CERS6: variants seen among roughly 807,000 people sequenced by gnomAD.
The protein encoded by CERS6 is LAG1 homolog, ceramide synthase 6.
Under a neutral mutation model 56.8 loss-of-function variants are expected in CERS6, and 26 were observed. The ratio of observed to expected loss-of-function variants is 0.46; its 90% CI spans 0.34 to 0.63. The LOEUF (loss-of-function observed/expected upper bound fraction) is 0.63, where lower values mean the gene tolerates loss of function less well. Ranked by LOEUF, CERS6 falls within the 30% of genes least tolerant of loss-of-function variation. The pLI is 0.01. For synonymous variants in CERS6, 164 were observed against 173.3 expected (o/e 0.95, Z 0.42); for missense variants, 415 against 467.5 (o/e 0.89, Z 1.04).
chr2:168,469,963 G>A (rs1693947168), intron 1 of CERS6, among the ~76,000 whole-genome samples: 1 of 152,112 alleles, frequency 6.6e-6, no homozygotes, highest in African/African-American at 2.4e-5. Flanking sequence ...GCAGAGCCTG[G>A]CTGACCTGGA....
chr2:168,549,014 A>C (rs1352311715), intron 2 of CERS6, among the ~76,000 whole-genome samples: 1 of 152,172 alleles, frequency 6.6e-6, no homozygotes, highest in African/African-American at 2.4e-5. Flanking sequence ...TAGTGTATCA[A>C]ATTACTTAAG....
intron 8 of CERS6, among the ~76,000 whole-genome samples, chr2:168,721,929 C>G: frequency 6.6e-6 from 1 of 152,164 alleles, no homozygotes; most frequent in East Asian, 1.9e-4. Flanking sequence ...CCACCACACT[C>G]TTTTACAGAG....
At chr2:168,769,226 A>G (rs1439933414) in intron 9 of CERS6, among the ~76,000 whole-genome samples, 3 of 152,194 alleles carry the variant, frequency 2.0e-5, no homozygotes, top group Non-Finnish European at 4.4e-5. Flanking sequence ...TTTGATTACA[A>G]GTGGGATTCA....
intron 1 of CERS6, among the ~76,000 whole-genome samples, chr2:168,521,505 A>AG (rs1694982880): frequency 6.6e-6 from 1 of 151,938 alleles, no homozygotes; most frequent in African/African-American, 2.4e-5. Flanking sequence ...GAAGAGGAGG[A>AG]GGGGAGGGAG....
intron 4 of CERS6, among the ~76,000 whole-genome samples, chr2:168,637,511 C>G (rs1436633293): frequency 6.6e-6 from 1 of 151,652 alleles, no homozygotes; most frequent in Non-Finnish European, 1.5e-5. Flanking sequence ...CACAGGAACA[C>G]TAAATATGGA....
chr2:168,611,940 A>G (rs1684198793), intron 3 of CERS6, among the ~76,000 whole-genome samples: 1 of 152,208 alleles, frequency 6.6e-6, no homozygotes, highest in South Asian at 2.1e-4. Flanking sequence ...GTCATATTGT[A>G]GTTGGTAGTT....
chr2:168,671,039 C>T (rs914425950), intron 4 of CERS6, among the ~76,000 whole-genome samples: 1 of 146,904 alleles, frequency 6.8e-6, no homozygotes, highest in Non-Finnish European at 1.5e-5. Context: ...CAGCTCACCA[C>T]AACCTCTGCC....
chr2:168,497,979 C>T (rs182774274), intron 1 of CERS6, among the ~76,000 whole-genome samples: 1 of 152,226 alleles, frequency 6.6e-6, no homozygotes, highest in Non-Finnish European at 1.5e-5. Context: ...CATTGATCTT[C>T]AAAGGAAGAC....
intron 8 of CERS6, among the ~76,000 whole-genome samples, chr2:168,744,430 A>G (rs752714338): frequency 2.0e-5 from 3 of 151,420 alleles, no homozygotes; most frequent in Non-Finnish European, 4.4e-5. Flanking sequence ...GTTGGGCTTT[A>G]CTTATTGTCT....
At chr2:168,574,370 T>TTG (rs59913751) in intron 3 of CERS6, among the ~76,000 whole-genome samples, 5,088 of 148,532 alleles carry the variant, frequency 0.034, 149 homozygotes, top group African/African-American at 0.082. Context: ...TCAATAAGTT[T>TTG]TGTGTGTGTG....
At chr2:168,531,365 A>G (rs1323820891) in intron 1 of CERS6, among the ~76,000 whole-genome samples, 1 of 152,226 alleles carries the variant, frequency 6.6e-6, no homozygotes, top group Non-Finnish European at 1.5e-5. Context: ...AGAAACATAC[A>G]GGGAGATTTC....
At chr2:168,464,932 C>T (rs1462092303) in intron 1 of CERS6, among the ~76,000 whole-genome samples, 1 of 152,140 alleles carries the variant, frequency 6.6e-6, no homozygotes, top group Non-Finnish European at 1.5e-5. Flanking sequence ...ATCTGTTGTG[C>T]ACTGTTGGTG....
chr2:168,748,831 T>TGGGGGGG (rs72341847), intron 8 of CERS6, among the ~76,000 whole-genome samples: 34 of 89,142 alleles, frequency 3.8e-4, no homozygotes, highest in East Asian at 8.9e-4. Flanking sequence ...TGGTTGGGGG[T>TGGGGGGG]GGGGGGGGGG....
At chr2:168,738,464 CTG>C (rs925842392) in intron 8 of CERS6, among the ~76,000 whole-genome samples, 8 of 152,202 alleles carry the variant, frequency 5.3e-5, no homozygotes, top group Non-Finnish European at 8.8e-5. Context: ...TTTTTTAACA[CTG>C]TTGTAGATGA....
intron 2 of CERS6, among the ~76,000 whole-genome samples, chr2:168,557,990 T>C (rs1438786087): frequency 6.6e-6 from 1 of 152,160 alleles, no homozygotes; most frequent in Non-Finnish European, 1.5e-5. Context: ...ATGAATATAC[T>C]CTTCATAAAA....
intron 1 of CERS6, among the ~76,000 whole-genome samples, chr2:168,474,141 G>A (rs544725248): frequency 7.2e-5 from 11 of 152,294 alleles, no homozygotes; most frequent in African/African-American, 2.6e-4. Context: ...TCCACGTAAG[G>A]CCATGTCTTG....
chr2:168,629,427 C>T (rs1301984714), intron 3 of CERS6, among the ~76,000 whole-genome samples: 1 of 152,172 alleles, frequency 6.6e-6, no homozygotes, highest in Non-Finnish European at 1.5e-5. Flanking sequence ...AGAGATAATA[C>T]TTGTGCTACC....
chr2:168,686,295 A>G (rs1210856424), intron 4 of CERS6, among the ~76,000 whole-genome samples: 1 of 151,372 alleles, frequency 6.6e-6, no homozygotes, highest in Non-Finnish European at 1.5e-5. Context: ...TAACGCCACC[A>G]ACCCTATTGG....
chr2:168,478,053 T>C (rs2105330344), intron 1 of CERS6, among the ~76,000 whole-genome samples: 1 of 152,020 alleles, frequency 6.6e-6, no homozygotes, highest in South Asian at 2.1e-4. Context: ...TTTCCCTGGC[T>C]GAAGGTTTCA....
Sources: gnomAD v4.1 joint callset for allele counts (sites outside exome capture counted in the v4.1 genomes callset) on GRCh38, gnomAD v4.1.1 for gene constraint, MANE v1.5 for transcripts, NCBI Gene and HGNC (gene_info 2026-07-23, HGNC 2026-07-21) for gene names.